Variants in KCMF1 observed in about 807,000 individuals in gnomAD.
KCMF1 encodes the protein potassium channel modulatory factor 1, also known as E3 ubiquitin-protein ligase KCMF1.
In KCMF1, 3 loss-of-function variants were observed where a neutral mutation model predicts 41.1. That is an observed-to-expected ratio of 0.07 (90% CI 0.03 to 0.19). KCMF1 has a LOEUF of 0.19. Among genes scored for constraint, KCMF1 ranks in the 10% least tolerant of loss-of-function variants. The pLI, the probability that KCMF1 is intolerant of heterozygous loss-of-function variation, is 1.00. For missense variants in KCMF1, 286 were observed against 488.9 expected (o/e 0.58, Z 3.91); for synonymous variants, 142 against 164.5 (o/e 0.86, Z 1.04).
chr2:84,983,867 A>C (rs1198378477), intron 1 of KCMF1, among the ~76,000 whole-genome samples: 1 of 152,132 alleles, frequency 6.6e-6, no homozygotes, highest in Non-Finnish European at 1.5e-5. Flanking sequence ...GCAGGTCCTG[A>C]GCTCCTGACC....
chr2:85,025,677 C>T (rs912476440), intron 1 of KCMF1, among the ~76,000 whole-genome samples: 1 of 152,106 alleles, frequency 6.6e-6, no homozygotes, highest in African/African-American at 2.4e-5. Context: ...GGCGCAACCT[C>T]AGCTTACTGC....
chr2:85,041,197 C>T (rs181892866), intron 3 of KCMF1, among the ~76,000 whole-genome samples: 1 of 152,244 alleles, frequency 6.6e-6, no homozygotes, highest in Admixed American at 6.5e-5. Flanking sequence ...TATTATTTCT[C>T]TTTGAATGAA....
chr2:84,974,707 T>A (rs1199992442), intron 1 of KCMF1, among the ~76,000 whole-genome samples: 14 of 90,750 alleles, frequency 1.5e-4, no homozygotes, highest in African/African-American at 5.3e-4. Context: ...TTTTTTTTTT[T>A]TTTTTTTTTT....
Position 84,971,399 on chromosome 2 carries a change from G to T in KCMF1, c.-53G>T. On this transcript the variant is annotated 5_prime_UTR_variant, in exon 1 of 7. Transcript: ENST00000409785. ...GCGGGCAGCGCCGGGACCCCGCGGGGGACACTGCAGCCGGAGCCCGGGAGG... is the reference window on the plus strand; with the variant it reads ...GCGGGCAGCGCCGGGACCCCGCGGGTGACACTGCAGCCGGAGCCCGGGAGG... The T allele has an allele frequency of 1.7e-6, 2 of 1,146,766 alleles. No individual in the cohort carries two copies. Among genetic ancestry groups the T allele is most frequent in the East Asian group, 1.0e-4 (2 of 19,370 alleles). The allele number at this position is 1,146,766 out of a possible 1,614,324, so 71.0% of individuals were successfully genotyped here.
At chr2:84,979,389 T>C (rs1673645425) in intron 1 of KCMF1, among the ~76,000 whole-genome samples, 1 of 152,014 alleles carries the variant, frequency 6.6e-6, no homozygotes, top group Non-Finnish European at 1.5e-5. Flanking sequence ...CTGGGCGTGA[T>C]GGCAGGCGCC....
intron 1 of KCMF1, among the ~76,000 whole-genome samples, chr2:85,004,197 G>C (rs78359796): frequency 1.3e-5 from 2 of 152,148 alleles, no homozygotes; most frequent in South Asian, 4.2e-4. Flanking sequence ...TGTTGACCAC[G>C]GATAACTGAA....
At chr2:85,026,492 A>ATTTTTTTTT (rs1553381469) in intron 1 of KCMF1, among the ~76,000 whole-genome samples, 202 of 143,142 alleles carry the variant, frequency 1.4e-3, no homozygotes, top group African/African-American at 5.1e-3. Context: ...TATTATTATT[A>ATTTTTTTTT]TTATTTTTAT....
At chr2:85,024,853 T>C (rs771001601) in intron 1 of KCMF1, among the ~76,000 whole-genome samples, 7 of 152,162 alleles carry the variant, frequency 4.6e-5, no homozygotes, top group Admixed American at 6.6e-5. Flanking sequence ...CAGTGCTCTT[T>C]AGTGACCTTG....
chr2:85,013,428 G>C (rs1173916284), intron 1 of KCMF1, among the ~76,000 whole-genome samples: 1 of 152,060 alleles, frequency 6.6e-6, no homozygotes, highest in Non-Finnish European at 1.5e-5. Context: ...TATGTATTCT[G>C]CTCCCTCCTT....
chr2:84,977,178 C>T (rs1363405885), intron 1 of KCMF1, among the ~76,000 whole-genome samples: 1 of 152,008 alleles, frequency 6.6e-6, no homozygotes, highest in Non-Finnish European at 1.5e-5. Context: ...TGCTCCTAGC[C>T]TTAATTTTCT....
intron 3 of KCMF1, among the ~76,000 whole-genome samples, chr2:85,042,070 G>C (rs1675553389): frequency 6.6e-6 from 1 of 152,278 alleles, no homozygotes. Context: ...TCTAAGAAAG[G>C]CATAGGCAGG....
intron 4 of KCMF1, among the ~76,000 whole-genome samples, chr2:85,044,429 C>A (rs1675614691): frequency 6.6e-6 from 1 of 152,032 alleles, no homozygotes; most frequent in South Asian, 2.1e-4. Flanking sequence ...GGCTGGAGTA[C>A]AATGGTGCTA....
At chr2:84,981,228 T>C (rs867644092) in intron 1 of KCMF1, among the ~76,000 whole-genome samples, 29 of 151,920 alleles carry the variant, frequency 1.9e-4, no homozygotes, top group Middle Eastern at 6.8e-3. Context: ...CTCACTCTGT[T>C]GCCCAGGCTG....
At chr2:85,007,849 C>T (rs1220096592) in intron 1 of KCMF1, among the ~76,000 whole-genome samples, 2 of 152,196 alleles carry the variant, frequency 1.3e-5, no homozygotes, top group African/African-American at 4.8e-5. Context: ...GCAACCGCCA[C>T]CTCCTGGGTT....
chr2:84,971,370 C>T lies in KCMF1; in HGVS notation c.-82C>T, dbSNP rs935775141. ...GGGAGTCGAGTGGGAGTCGGCCGGC[C>T]GGCGCGGGCAGCGCCGGGACCCCGC... On this transcript the variant is annotated 5_prime_UTR_variant, in exon 1 of 7. Transcript: ENST00000409785. 10 of 944,760 alleles carry T rather than the reference C, an allele frequency of 1.1e-5. No homozygotes were observed. Among genetic ancestry groups the T allele is most frequent in the Non-Finnish European group, 1.3e-5 (10 of 773,342 alleles). The allele number at this position is 944,760 out of a possible 1,614,324, so 58.5% of individuals were successfully genotyped here. A position where few individuals can be genotyped will look rare whatever the true frequency, so the allele number is the denominator to read the frequency against.
chr2:85,027,787 G>A (rs564863848), intron 1 of KCMF1, 102 bp from the exon 2 acceptor site: 10 of 668,616 alleles, frequency 1.5e-5, no homozygotes, highest in Non-Finnish European at 2.5e-5. Context: ...AGTCATTTTG[G>A]AAAGGACATA....
intron 1 of KCMF1, among the ~76,000 whole-genome samples, chr2:85,020,732 T>C (rs1674911620): frequency 6.6e-6 from 1 of 152,220 alleles, no homozygotes; most frequent in South Asian, 2.1e-4. Flanking sequence ...GCGCCTGACC[T>C]GGAAGCTATT....
In KCMF1 at chr2:84,971,327, G is replaced by C; in HGVS notation, c.-125G>C. The C allele has an allele frequency of 3.3e-6, 1 of 299,066 alleles. No homozygotes were observed. The highest frequency in any genetic ancestry group is 4.9e-6 in the Non-Finnish European group (1 of 202,190). The allele number at this position is 299,066 out of a possible 1,614,324, so 18.5% of individuals were successfully genotyped here. A position where few individuals can be genotyped will look rare whatever the true frequency, so the allele number is the denominator to read the frequency against. ...GCGGGAGCGCTCCCCTGCCCACCCC[G>C]CCCCCGCGGCCGAGCCCGGGAGTCG... On this transcript the variant is annotated 5_prime_UTR_variant, in exon 1 of 7. Coordinates refer to ENST00000409785, the MANE Select transcript of KCMF1 (RefSeq NM_020122.5).
chr2:84,973,221 A>G (rs748750026), intron 1 of KCMF1, among the ~76,000 whole-genome samples: 1 of 152,212 alleles, frequency 6.6e-6, no homozygotes, highest in Non-Finnish European at 1.5e-5. Flanking sequence ...AAGAAAGCAT[A>G]CAGATAGTTC....
Sources: gnomAD v4.1 joint callset for allele counts (sites outside exome capture counted in the v4.1 genomes callset) on GRCh38, gnomAD v4.1.1 for gene constraint, MANE v1.5 for transcripts, NCBI Gene and HGNC (gene_info 2026-07-23, HGNC 2026-07-21) for gene names.